ADSS1: variants seen among roughly 807,000 people sequenced by gnomAD.
ADSS1 encodes the protein adenylosuccinate synthase 1.
Under a neutral mutation model 59.1 loss-of-function variants are expected in ADSS1, and 57 were observed. That is an observed-to-expected ratio of 0.97 (90% confidence interval 0.78 to 1.20). The LOEUF is 1.20. Among genes scored for constraint, ADSS1 ranks in the 50% most tolerant of loss-of-function variants. ADSS1 has a pLI of 0.00. For missense variants in ADSS1, 603 were observed against 610.3 expected (o/e 0.99, Z 0.13); for synonymous variants, 247 against 249.4 (o/e 0.99, Z 0.09).
intron 1 of ADSS1, chr14:104,730,092 C>G (rs936972196): frequency 9.0e-6 from 14 of 1,553,802 alleles, no homozygotes; most frequent in Non-Finnish European, 1.1e-5. Flanking sequence ...TGTGGAGGCC[C>G]AACTAGGGTG....
intron 10 of ADSS1, 90 bp downstream of exon 10, chr14:104,743,281 G>C: frequency 1.3e-6 from 2 of 1,548,746 alleles, no homozygotes; most frequent in Non-Finnish European, 1.8e-6. Context: ...GGGGCTGAGG[G>C]CCACCAAGTC....
intron 1 of ADSS1, among the ~76,000 whole-genome samples, chr14:104,724,739 G>C (rs1278831785): frequency 2.0e-5 from 3 of 152,090 alleles, no homozygotes. Context: ...GCTGAGTTGG[G>C]GACACCCGAT....
At chr14:104,742,153 GC>G in intron 9 of ADSS1, 151 bp downstream of exon 9, 2 of 1,218,536 alleles carry the variant, frequency 1.6e-6, no homozygotes, top group Non-Finnish European at 1.1e-6. Context: ...TGCCGTGCAG[GC>G]CAGGGGAGAG....
chr14:104,741,844 G>A lies in ADSS1; in HGVS notation c.794-4G>A. On this transcript the variant is annotated splice_polypyrimidine_tract_variant and splice_region_variant and intron_variant, in intron 8 of 12. Coordinates refer to ENST00000330877, the MANE Select transcript of ADSS1 (RefSeq NM_152328.5). ...TAGCCCCCTAAACCTGCTCTGTCTTGCAGGGACCTACCCCTTTGTGACTTC... is the reference window on the plus strand; with the variant it reads ...TAGCCCCCTAAACCTGCTCTGTCTTACAGGGACCTACCCCTTTGTGACTTC... 1.2e-6 allele frequency: 2 copies of A among 1,613,142 alleles called. No individual in the cohort carries two copies. Among genetic ancestry groups the A allele is most frequent in the East Asian group, 2.2e-5 (1 of 44,880 alleles).
At chr14:104,736,530 C>T (rs1159039271) in intron 2 of ADSS1, among the ~76,000 whole-genome samples, 1 of 152,186 alleles carries the variant, frequency 6.6e-6, no homozygotes, top group East Asian at 1.9e-4. Context: ...CTCACCATGG[C>T]TTGCGTCGTC....
chr14:104,732,951 C>T (rs369027441), intron 1 of ADSS1, among the ~76,000 whole-genome samples: 1 of 152,198 alleles, frequency 6.6e-6, no homozygotes, highest in Admixed American at 6.5e-5. Context: ...AGAATCTGTT[C>T]GAGTCACGCC....
At chr14:104,738,605 G>A (rs1473231080) in intron 3 of ADSS1, among the ~76,000 whole-genome samples, 167 bp downstream of exon 3, 4 of 152,228 alleles carry the variant, frequency 2.6e-5, no homozygotes, top group East Asian at 1.9e-4. Flanking sequence ...CGCAGAAAGC[G>A]AGTGAGCTGG....
At chr14:104,728,663 G>A (rs1015443228) in intron 1 of ADSS1, among the ~76,000 whole-genome samples, 3 of 152,332 alleles carry the variant, frequency 2.0e-5, no homozygotes, top group African/African-American at 7.2e-5. Flanking sequence ...GCCATTGAGT[G>A]CCAGTGCCAA....
chr14:104,745,975 G>A, intron 11 of ADSS1: 1 of 333,642 alleles, frequency 3.0e-6, no homozygotes. Flanking sequence ...CACAGTGGAG[G>A]TTCTAGCAGA....
At chr14:104,728,121 G>A (rs1319213881) in intron 1 of ADSS1, among the ~76,000 whole-genome samples, 2 of 152,176 alleles carry the variant, frequency 1.3e-5, no homozygotes, top group Non-Finnish European at 2.9e-5. Context: ...TGTGCATTGA[G>A]GGCCCCTGTG....
chr14:104,736,912 A>G lies in ADSS1; in HGVS notation c.296-1464A>G, dbSNP rs1177878578. Among the ~76,000 whole-genome samples the G allele has an allele frequency of 8.6e-5, 10 of 116,520 alleles. 1 individual carries two copies. 76.4% of individuals were successfully genotyped at this position (116,520 alleles called of 152,430 possible). A position where few individuals can be genotyped will look rare whatever the true frequency, so the allele number is the denominator to read the frequency against. ...TATATATATATATATATATATATAT[A>G]TGCATTTTTTTTTTTTTAGAAATGG... On this transcript the variant is annotated intron_variant, in intron 2 of 12. Coordinates refer to ENST00000330877, the MANE Select transcript of ADSS1 (RefSeq NM_152328.5).
chr14:104,738,337 G>A (rs900382370), intron 2 of ADSS1, 39 bp from the exon 3 acceptor site: 2 of 1,609,136 alleles, frequency 1.2e-6, no homozygotes, highest in Non-Finnish European at 1.7e-6. Context: ...CAGTGTCTGG[G>A]ACACAACTCT....
intron 4 of ADSS1, 123 bp from the exon 5 acceptor site, chr14:104,739,626 CT>C (rs912990925): frequency 8.7e-7 from 1 of 1,153,560 alleles, no homozygotes; most frequent in Non-Finnish European, 1.3e-6. Context: ...AGTTTGTCCT[CT>C]TTGAAATCTC....
intron 1 of ADSS1, among the ~76,000 whole-genome samples, chr14:104,726,393 G>A (rs1007319003): frequency 4.6e-5 from 7 of 152,202 alleles, no homozygotes; most frequent in South Asian, 2.1e-4. Context: ...TCAGCGGGGC[G>A]CCGCTCTGCA....
At chr14:104,735,789 C>T (rs1436803862) in intron 2 of ADSS1, among the ~76,000 whole-genome samples, 1 of 152,208 alleles carries the variant, frequency 6.6e-6, no homozygotes, top group East Asian at 1.9e-4. Context: ...GGCTCTTTCC[C>T]TCCTTCTCTC....
At chr14:104,729,115 C>T (rs927492564) in intron 1 of ADSS1, among the ~76,000 whole-genome samples, 2 of 152,142 alleles carry the variant, frequency 1.3e-5, no homozygotes, top group African/African-American at 4.8e-5. Context: ...GAGAAAGGGG[C>T]CTCCTTGGGA....
In ADSS1 at chr14:104,731,029, G is replaced by A. The variant is rs543207049; in HGVS notation, c.193-3991G>A. 6.2e-5 allele frequency among the ~76,000 whole-genome samples: 9 copies of A among 144,834 alleles called. No individual in the cohort carries two copies. The East Asian group carries it at 8.3e-4, about 13-fold the overall frequency. On this transcript the variant is annotated intron_variant, in intron 1 of 12. Coordinates refer to ENST00000330877, the MANE Select transcript of ADSS1 (RefSeq NM_152328.5). ...TCCTGACCCAAGCCTGCACCACAGA[G>A]GGGAAGACCCCAAGAGAAACCTGGA...
intron 1 of ADSS1, among the ~76,000 whole-genome samples, chr14:104,725,247 C>T (rs1890685990): frequency 6.6e-6 from 1 of 152,212 alleles, no homozygotes; most frequent in Admixed American, 6.5e-5. Flanking sequence ...ACTGGGCACT[C>T]TCTCGGGCCG....
intron 11 of ADSS1, chr14:104,745,292 C>T (rs369021512): frequency 1.6e-5 from 3 of 192,314 alleles, no homozygotes; most frequent in Admixed American, 1.1e-4. Flanking sequence ...AAGCTCTATG[C>T]GGACGTACAG....
Sources: gnomAD v4.1 joint callset for allele counts (sites outside exome capture counted in the v4.1 genomes callset) on GRCh38, gnomAD v4.1.1 for gene constraint, MANE v1.5 for transcripts, NCBI Gene and HGNC (gene_info 2026-07-23, HGNC 2026-07-21) for gene names.